ERMARD: variants seen among roughly 807,000 people sequenced by gnomAD.
ERMARD encodes the protein endoplasmic reticulum membrane-associated RNA degradation protein.
A neutral mutation model predicts 83.9 loss-of-function variants in ERMARD; 71 were observed. The observed-to-expected ratio is 0.85, with a 90% CI of 0.70 to 1.03. The LOEUF is 1.03. Ranked by LOEUF, ERMARD falls within the 50% of genes least tolerant of loss-of-function variation. ERMARD has a pLI of 0.00. For synonymous variants in ERMARD, 284 were observed against 298.6 expected (o/e 0.95, Z 0.50); for missense variants, 838 against 810.9 (o/e 1.03, Z -0.41).
chr6:169,780,518 A>G (rs982647027), intron 17 of ERMARD, among the ~76,000 whole-genome samples: 3 of 152,256 alleles, frequency 2.0e-5, no homozygotes, highest in Non-Finnish European at 4.4e-5. Flanking sequence ...CCCGCTGTTA[A>G]CATTTTGAGA....
At chr6:169,759,481 A>G (rs548188239) in intron 6 of ERMARD, among the ~76,000 whole-genome samples, 10 of 152,180 alleles carry the variant, frequency 6.6e-5, no homozygotes, top group African/African-American at 2.4e-4. Context: ...GTGCCATGAT[A>G]CATTCTCAGC....
intron 2 of ERMARD, 82 bp from the exon 3 acceptor site, chr6:169,755,200 CA>C: frequency 6.8e-7 from 1 of 1,469,940 alleles, no homozygotes; most frequent in Non-Finnish European, 9.2e-7. Context: ...ATAATTAAAG[CA>C]TTTTTTTCTT....
intron 1 of ERMARD, chr6:169,753,379 G>T (rs1182935878): frequency 6.5e-6 from 1 of 154,284 alleles, no homozygotes; most frequent in African/African-American, 2.4e-5. Context: ...AGAGGTACGT[G>T]GGGTTCTTTT....
At chr6:169,758,231 C>T (rs903491240) in intron 5 of ERMARD, among the ~76,000 whole-genome samples, 1 of 152,234 alleles carries the variant, frequency 6.6e-6, no homozygotes, top group Non-Finnish European at 1.5e-5. Flanking sequence ...CTCGAGTCTT[C>T]TGGAGGCTCA....
At chr6:169,779,503 G>GTTTTGT (rs1554242769) in intron 17 of ERMARD, among the ~76,000 whole-genome samples, 1 of 151,580 alleles carries the variant, frequency 6.6e-6, no homozygotes, top group Non-Finnish European at 1.5e-5. Flanking sequence ...GTTTTGTTTT[G>GTTTTGT]TTTTTTTTGG....
intron 12 of ERMARD, 102 bp from the exon 13 acceptor site, chr6:169,773,213 GAAGA>G: frequency 2.3e-6 from 2 of 878,920 alleles, no homozygotes; most frequent in Non-Finnish European, 3.6e-6. Flanking sequence ...AGAATTATTT[GAAGA>G]AAGATAATGA....
At chr6:169,772,931 T>A (rs1284159081) in intron 12 of ERMARD, 2 of 170,490 alleles carry the variant, frequency 1.2e-5, no homozygotes, top group African/African-American at 2.4e-5. Flanking sequence ...TTATGCTTTT[T>A]AAAATATGTA....
chr6:169,757,594 T>C (rs1167185032), intron 5 of ERMARD, among the ~76,000 whole-genome samples: 1 of 152,166 alleles, frequency 6.6e-6, no homozygotes, highest in Non-Finnish European at 1.5e-5. Context: ...TATTAAAATC[T>C]CATAAAGGGC....
chr6:169,773,458 T>G (rs1793218309), intron 13 of ERMARD, 56 bp downstream of exon 13: 1 of 1,542,988 alleles, frequency 6.5e-7, no homozygotes, highest in African/African-American at 1.4e-5. Context: ...ACCACCTGTC[T>G]TCTGCAGAGA....
chr6:169,778,849 A>AG (rs374562974), intron 16 of ERMARD, among the ~76,000 whole-genome samples: 1 of 152,246 alleles, frequency 6.6e-6, no homozygotes, highest in East Asian at 1.9e-4. Context: ...GGCAGCGAGC[A>AG]GGGGGGCTGC....
chr6:169,754,138 T>C, intron 2 of ERMARD, 106 bp downstream of exon 2: 1 of 1,103,164 alleles, frequency 9.1e-7, no homozygotes, highest in Non-Finnish European at 1.3e-6. Context: ...TTAGATAATG[T>C]TATAATACAG....
At chr6:169,769,489 C>A (rs1198062385) in intron 11 of ERMARD, 51 bp from the exon 12 acceptor site, 2 of 1,511,684 alleles carry the variant, frequency 1.3e-6, no homozygotes, top group Admixed American at 2.0e-5. Context: ...CCAGGCACGT[C>A]TCTCTGCTGC....
chr6:169,768,275 A>G (rs919907273), intron 11 of ERMARD, 104 bp downstream of exon 11: 1 of 1,016,006 alleles, frequency 9.8e-7, no homozygotes, highest in Non-Finnish European at 1.5e-6. Flanking sequence ...CTCAAGAAAA[A>G]TACTTCTGAA....
intron 5 of ERMARD, among the ~76,000 whole-genome samples, chr6:169,757,535 C>A (rs1438414245): frequency 6.6e-6 from 1 of 152,068 alleles, no homozygotes; most frequent in African/African-American, 2.4e-5. Flanking sequence ...TTTAAACTTA[C>A]AGTGGAAAAA....
At chr6:169,780,203 C>G (rs1304504177) in intron 17 of ERMARD, among the ~76,000 whole-genome samples, 2 of 152,152 alleles carry the variant, frequency 1.3e-5, no homozygotes, top group Non-Finnish European at 2.9e-5. Context: ...TGGGCTGGTG[C>G]AAGACTGCCC....
At chr6:169,755,242 A>T in intron 2 of ERMARD, 41 bp from the exon 3 acceptor site, 3 of 1,583,028 alleles carry the variant, frequency 1.9e-6, no homozygotes, top group Non-Finnish European at 1.7e-6. Flanking sequence ...ATCATGTGAT[A>T]TGGAGCTATG....
intron 1 of ERMARD, among the ~76,000 whole-genome samples, chr6:169,752,569 G>T (rs1280893033): frequency 6.6e-6 from 1 of 152,176 alleles, no homozygotes; most frequent in Non-Finnish European, 1.5e-5. Context: ...TCGAAAACCA[G>T]GGCTGAGAGT....
At chr6:169,775,091 C>G (rs963379591) in intron 13 of ERMARD, among the ~76,000 whole-genome samples, 179 bp from the exon 14 acceptor site, 2 of 152,226 alleles carry the variant, frequency 1.3e-5, no homozygotes, top group Non-Finnish European at 2.9e-5. Flanking sequence ...CTGGTAGTTT[C>G]CGCAGCCTTC....
chr6:169,778,770 C>T (rs1793876895), intron 16 of ERMARD, among the ~76,000 whole-genome samples: 1 of 152,256 alleles, frequency 6.6e-6, no homozygotes, highest in African/African-American at 2.4e-5. Context: ...AATCTGGTGG[C>T]ATTGAGCCTG....
Sources: allele counts gnomAD v4.1 joint callset (sites outside exome capture counted in the v4.1 genomes callset), GRCh38; gene constraint gnomAD v4.1.1; transcripts MANE v1.5; gene names NCBI Gene and HGNC (gene_info 2026-07-23, HGNC 2026-07-21).